Variants in AKAP13 observed in about 807,000 individuals in gnomAD.
AKAP13 encodes A-kinase anchor protein 13.
Under a neutral mutation model 264.5 loss-of-function variants are expected in AKAP13, and 80 were observed. That is an observed-to-expected ratio of 0.30 (90% CI 0.25 to 0.36). The LOEUF (loss-of-function observed/expected upper bound fraction) is 0.36, where lower values mean the gene tolerates loss of function less well. Among genes scored for constraint, AKAP13 ranks in the 10% least tolerant of loss-of-function variants. The pLI is 1.00. For synonymous variants in AKAP13, 1,380 were observed against 1,250.2 expected, an observed-to-expected ratio of 1.10 and a Z score of -2.19; for missense variants, 3,712 against 3,435.2, an observed-to-expected ratio of 1.08 and a Z score of -2.01.
chr15:85,592,038 A>G (rs902840202), intron 8 of AKAP13, among the ~76,000 whole-genome samples: 1 of 143,678 alleles, frequency 7.0e-6, no homozygotes, highest in Non-Finnish European at 1.5e-5. Context: ...TAAAATCAGA[A>G]CCATGATCTT....
chr15:85,572,890 A>G (rs12913268), intron 5 of AKAP13, among the ~76,000 whole-genome samples: 94,532 of 151,876 alleles, frequency 0.62, 29,524 homozygotes, highest in Middle Eastern at 0.72. Flanking sequence ...TTATTGTTCA[A>G]CTCCCACTTA....
At chr15:85,491,263 A>G (rs926538221) in intron 2 of AKAP13, among the ~76,000 whole-genome samples, 5 of 152,040 alleles carry the variant, frequency 3.3e-5, no homozygotes, top group Non-Finnish European at 2.9e-5. Flanking sequence ...AGAAAACATT[A>G]GAGCTCCTTC....
At chr15:85,521,094 C>G (rs1167880401) in intron 2 of AKAP13, among the ~76,000 whole-genome samples, 1 of 152,176 alleles carries the variant, frequency 6.6e-6, no homozygotes, top group African/African-American at 2.4e-5. Context: ...GGATTTTCTT[C>G]TATGTCTCCC....
At chr15:85,539,685 A>G (rs971648562) in intron 4 of AKAP13, among the ~76,000 whole-genome samples, 4 of 152,152 alleles carry the variant, frequency 2.6e-5, no homozygotes, top group African/African-American at 9.7e-5. Context: ...GGTGTGTGAC[A>G]GGTGTGTCCA....
chr15:85,497,646 T>G (rs2075909306), intron 2 of AKAP13, among the ~76,000 whole-genome samples: 1 of 152,238 alleles, frequency 6.6e-6, no homozygotes, highest in Non-Finnish European at 1.5e-5. Context: ...CACATGTGAC[T>G]GTTTAATTAA....
At chr15:85,734,833 C>A (rs775641394) in intron 30 of AKAP13, among the ~76,000 whole-genome samples, 159 bp from the exon 31 acceptor site, 3 of 152,228 alleles carry the variant, frequency 2.0e-5, no homozygotes, top group Admixed American at 6.5e-5. Flanking sequence ...AACTAAAACA[C>A]ATACCCTGAG....
At chr15:85,626,089 T>C (rs984169484) in intron 8 of AKAP13, among the ~76,000 whole-genome samples, 1 of 152,244 alleles carries the variant, frequency 6.6e-6, no homozygotes, top group African/African-American at 2.4e-5. Flanking sequence ...CCACACACAG[T>C]ACATATGGAG....
Position 85,655,471 on chromosome 15 carries a change from G to T in AKAP13, c.4429G>T (p.Asp1477Tyr). The T allele has an allele frequency of 6.2e-7, 1 of 1,614,194 alleles. No homozygotes were observed. The highest frequency in any genetic ancestry group is 1.3e-5 in the African/African-American group (1 of 75,040). Residue 1477 changes from aspartate to tyrosine, a missense_variant, in exon 11 of 37, where the codon GAC (aspartate) becomes TAC (tyrosine). Asp to Tyr is a radical substitution (Grantham distance 160). Transcript: ENST00000394518. Reference sequence around the variant, plus strand: ...CACCGGATCCAGTTCATCCACCGATGACACGGCTTCACTGGACCGACATTC... The same window carrying T: ...CACCGGATCCAGTTCATCCACCGATTACACGGCTTCACTGGACCGACATTC... Reference protein sequence around the residue: ...DITGSSSSTDDTASLDRHSSH... With the variant: ...DITGSSSSTDYTASLDRHSSH...
intron 30 of AKAP13, 33 bp downstream of exon 30, chr15:85,730,740 C>G: frequency 1.3e-6 from 2 of 1,581,874 alleles, no homozygotes; most frequent in Non-Finnish European, 1.7e-6. Context: ...CCCTCTTCAT[C>G]TACTCCCAGA....
At chr15:85,548,553 A>T (rs2077837036) in intron 5 of AKAP13, among the ~76,000 whole-genome samples, 1 of 152,174 alleles carries the variant, frequency 6.6e-6, no homozygotes, top group African/African-American at 2.4e-5. Context: ...CCCTCTCTTA[A>T]TGATAATACC....
chr15:85,599,148 T>C (rs891366990), intron 8 of AKAP13, among the ~76,000 whole-genome samples: 7 of 152,314 alleles, frequency 4.6e-5, no homozygotes, highest in Admixed American at 2.0e-4. Context: ...TGGATTGTTT[T>C]TCCCTTGTCT....
At chr15:85,577,749 G>T in intron 6 of AKAP13, 1 of 937,686 alleles carries the variant, frequency 1.1e-6, no homozygotes, top group Non-Finnish European at 1.3e-6. Flanking sequence ...AATATGTTCT[G>T]ATTTTATCAA....
intron 8 of AKAP13, among the ~76,000 whole-genome samples, chr15:85,629,865 C>T (rs1156734475): frequency 7.0e-6 from 1 of 143,684 alleles, no homozygotes; most frequent in African/African-American, 2.5e-5. Flanking sequence ...CTGAAACCTC[C>T]ACCTCCCGGG....
At chr15:85,725,626 G>A (rs2542610) in intron 26 of AKAP13, among the ~76,000 whole-genome samples, 13,666 of 152,198 alleles carry the variant, frequency 0.09, 879 homozygotes, top group East Asian at 0.34. Flanking sequence ...GCATAAATCA[G>A]TTCCATCCTT....
intron 19 of AKAP13, among the ~76,000 whole-genome samples, chr15:85,713,736 T>C (rs2086760267): frequency 6.6e-6 from 1 of 152,202 alleles, no homozygotes; most frequent in African/African-American, 2.4e-5. Flanking sequence ...TTAATGCTCA[T>C]TGAGTCAAAG....
chr15:85,430,690 ATTC>A (rs1196587847), intron 1 of AKAP13, among the ~76,000 whole-genome samples: 2 of 152,130 alleles, frequency 1.3e-5, no homozygotes, highest in African/African-American at 4.8e-5. Flanking sequence ...GGCCTTCTTC[ATTC>A]TTATCCTAAT....
In AKAP13 at chr15:85,682,200, A is replaced by T. The variant is rs1460744757; in HGVS notation, c.5144A>T (p.Asn1715Ile). Residue 1715 changes from asparagine (N) to isoleucine (I), a missense_variant, in exon 15 of 37, where the codon AAT (asparagine) becomes ATT (isoleucine). Physicochemically the swap from Asn to Ile is moderately radical, Grantham distance 149. This residue lies in a region of AKAP13 where 2,759 missense variants were observed against 2,411.7 expected (regional missense o/e 1.14). Transcript: ENST00000394518. ...AGTACCTTCCACAATACCAGTGCTA[A>T]TCTGACTGAGAGGTACTATAAATTT... ...FHSTFHNTSA[N>I]LTESITEENY... 4.3e-6 allele frequency: 7 copies of T among 1,613,324 alleles called. No homozygotes were observed. The highest frequency in any genetic ancestry group is 5.9e-6 in the Non-Finnish European group (7 of 1,179,902).
At position 85,634,498 on chromosome 15, in the gene AKAP13, G is replaced by A. The variant is rs1418914364; in HGVS notation, c.4162-4876G>A. 2.6e-5 allele frequency among the ~76,000 whole-genome samples: 4 copies of A among 152,244 alleles called. No individual in the cohort carries two copies. The East Asian group carries it at 7.7e-4, about 29-fold the overall frequency. ...ATGATTAAAGGGTTATAATGTTAAGGTGTGTGGGAATTGTGAAGACTAAAA... is the reference window on the plus strand; with the variant it reads ...ATGATTAAAGGGTTATAATGTTAAGATGTGTGGGAATTGTGAAGACTAAAA... On this transcript the variant is annotated intron_variant, in intron 8 of 36. Coordinates refer to ENST00000394518, the MANE Select transcript of AKAP13 (RefSeq NM_007200.5).
chr15:85,719,399 C>A, intron 23 of AKAP13, 73 bp downstream of exon 23: 1 of 1,537,986 alleles, frequency 6.5e-7, no homozygotes, highest in East Asian at 2.3e-5. Context: ...CACAGCCATG[C>A]ATTCACATCT....
Sources: gnomAD v4.1 joint callset for allele counts (sites outside exome capture counted in the v4.1 genomes callset) on GRCh38, gnomAD v4.1.1 for gene constraint, gnomAD v4.1.1 regional missense constraint, MANE v1.5 for transcripts, NCBI Gene and HGNC (gene_info 2026-07-23, HGNC 2026-07-21) for gene names.